Variants in DHDDS observed in about 807,000 individuals in gnomAD.
The protein encoded by DHDDS is dehydrodolichyl diphosphate synthase complex subunit DHDDS.
DHDDS carries 16 observed loss-of-function variants against 46.2 expected under a neutral mutation model. The ratio of observed to expected loss-of-function variants is 0.35; its 90% CI spans 0.23 to 0.53. The LOEUF is 0.53. Ranked by LOEUF, DHDDS falls within the 20% of genes least tolerant of loss-of-function variation. The pLI is 0.94. For synonymous variants in DHDDS, 151 were observed against 163.1 expected (o/e 0.93, Z 0.56); for missense variants, 340 against 423.7 (o/e 0.80, Z 1.73).
chr1:26,440,790 G>T (rs1016408751), intron 3 of DHDDS, among the ~76,000 whole-genome samples: 7 of 152,150 alleles, frequency 4.6e-5, no homozygotes, highest in African/African-American at 1.7e-4. Flanking sequence ...TGTTTCTTCT[G>T]TTCTGTTTGA....
Position 26,448,734 on chromosome 1 carries a change from G to A in DHDDS, c.542+1074G>A, listed in dbSNP as rs143705186. On this transcript the variant is annotated intron_variant, in intron 6 of 8. Coordinates refer to ENST00000236342, the MANE Select transcript of DHDDS (RefSeq NM_205861.3). The stretch of plus-strand genomic sequence containing the variant: ...GAGATTCAAGGCTGTTGTCCATTGT[G>A]TAGATGAGAAAACTGAGTTCAGCAT... 5.8e-3 allele frequency among the ~76,000 whole-genome samples: 885 copies of A among 152,260 alleles called. 4 individuals are homozygous for A. Among genetic ancestry groups the A allele is most frequent in the Middle Eastern group, 0.014 (4 of 294 alleles).
chr1:26,447,189 G>A (rs1026467587), intron 5 of DHDDS, among the ~76,000 whole-genome samples: 1 of 152,042 alleles, frequency 6.6e-6, no homozygotes, highest in Admixed American at 6.5e-5. Flanking sequence ...GTGTGGTGGT[G>A]TGCACCTGTA....
intron 8 of DHDDS, 126 bp downstream of exon 8, chr1:26,460,270 C>CT: frequency 1.3e-6 from 1 of 792,652 alleles, no homozygotes; most frequent in Non-Finnish European, 2.2e-6. Flanking sequence ...ATAGTAGCTA[C>CT]CACCTACTGA....
chr1:26,457,225 G>A (rs1001892089), intron 6 of DHDDS, among the ~76,000 whole-genome samples: 3 of 151,188 alleles, frequency 2.0e-5, no homozygotes, highest in Admixed American at 6.6e-5. Context: ...TTCAGAGGCC[G>A]AGGGGGGGGC....
chr1:26,457,163 AT>A (rs1327536388), intron 6 of DHDDS, among the ~76,000 whole-genome samples: 4 of 152,046 alleles, frequency 2.6e-5, no homozygotes, highest in Non-Finnish European at 5.9e-5. Context: ...GAGGATAGAA[AT>A]ACCTTATGTA....
intron 3 of DHDDS, among the ~76,000 whole-genome samples, chr1:26,440,373 C>T (rs1040640216): frequency 6.6e-6 from 1 of 152,206 alleles, no homozygotes; most frequent in African/African-American, 2.4e-5. Flanking sequence ...TCTGGAGTCA[C>T]TCAGAATTCA....
intron 6 of DHDDS, among the ~76,000 whole-genome samples, chr1:26,455,604 G>A (rs1392477898): frequency 1.3e-5 from 2 of 152,078 alleles, no homozygotes; most frequent in Non-Finnish European, 1.5e-5. Context: ...AAAATTAGCC[G>A]GGTGTGGTGG....
intron 8 of DHDDS, among the ~76,000 whole-genome samples, chr1:26,464,148 AC>A (rs2075456802): frequency 6.6e-6 from 1 of 151,686 alleles, no homozygotes. Flanking sequence ...ACGTGCCACC[AC>A]GCACAACTAA....
At chr1:26,445,886 G>C (rs1354723893) in intron 4 of DHDDS, among the ~76,000 whole-genome samples, 1 of 152,000 alleles carries the variant, frequency 6.6e-6, no homozygotes, top group Admixed American at 6.6e-5. Context: ...AGCCAGGCCT[G>C]GTGGTGGGCA....
At chr1:26,440,231 G>A (rs960689443) in intron 3 of DHDDS, among the ~76,000 whole-genome samples, 3 of 152,330 alleles carry the variant, frequency 2.0e-5, no homozygotes, top group East Asian at 1.9e-4. Context: ...TGCCAGGGCC[G>A]TGATATTTTT....
chr1:26,469,493 C>A lies in DHDDS; in HGVS notation c.*362C>A. On this transcript the variant is annotated 3_prime_UTR_variant, in exon 9 of 9. Transcript: ENST00000236342. Reference sequence around the variant, plus strand: ...TTTCAGGGAAGAGTTCTCCCCAAAACCCTAGCTCTTTACCCTTCCATTTTA... The same window carrying A: ...TTTCAGGGAAGAGTTCTCCCCAAAAACCTAGCTCTTTACCCTTCCATTTTA... The A allele has an allele frequency of 2.7e-6, 1 of 376,348 alleles. No homozygotes were observed. Among genetic ancestry groups the A allele is most frequent in the East Asian group, 6.0e-5 (1 of 16,546 alleles). 23.3% of individuals were successfully genotyped at this position (376,348 alleles called of 1,614,324 possible).
In DHDDS at chr1:26,441,370, C is replaced by T. The variant is rs1245206366; in HGVS notation, c.181-1361C>T. On this transcript the variant is annotated intron_variant, in intron 3 of 8. Transcript: ENST00000236342. ...TGCGCCACCGCACCCAGCTAAGTTTCTGTATTTTTAGTAGAAATGGGGTTT... is the reference window on the plus strand; with the variant it reads ...TGCGCCACCGCACCCAGCTAAGTTTTTGTATTTTTAGTAGAAATGGGGTTT... Among the ~76,000 whole-genome samples, 7 of 151,688 alleles carry T rather than the reference C, an allele frequency of 4.6e-5. No homozygotes were observed. The East Asian group carries it at 9.8e-4, about 21-fold the overall frequency.
intron 8 of DHDDS, among the ~76,000 whole-genome samples, chr1:26,463,836 A>G (rs1325940449): frequency 9.9e-5 from 15 of 151,902 alleles, no homozygotes; most frequent in Non-Finnish European, 2.2e-4. Flanking sequence ...GGCTAAAACA[A>G]ATAAGTACAA....
At chr1:26,468,381 A>C (rs1165070263) in intron 8 of DHDDS, among the ~76,000 whole-genome samples, 1 of 152,194 alleles carries the variant, frequency 6.6e-6, no homozygotes, top group Non-Finnish European at 1.5e-5. Flanking sequence ...GTCCCCGACA[A>C]GAATAGGACC....
At chr1:26,449,150 G>A (rs775014252) in intron 6 of DHDDS, among the ~76,000 whole-genome samples, 2 of 151,614 alleles carry the variant, frequency 1.3e-5, no homozygotes, top group Non-Finnish European at 2.9e-5. Flanking sequence ...CCAGGCTGGA[G>A]TGCAATGGCG....
In DHDDS at chr1:26,470,943, T is replaced by C. The variant is rs765144593; in HGVS notation, c.*1812T>C. The C allele has an allele frequency of 1.3e-5, 2 of 152,456 alleles. No homozygotes were observed. The highest frequency in any genetic ancestry group is 2.9e-5 in the Non-Finnish European group (2 of 68,106). 9.4% of individuals were successfully genotyped at this position (152,456 alleles called of 1,614,324 possible). ...CTGGGTCTGACTTTCCGTAATATGA[T>C]TGGGGTACAGTAGAGGTGATTAATG... On this transcript the variant is annotated 3_prime_UTR_variant, in exon 9 of 9. Coordinates refer to ENST00000236342, the MANE Select transcript of DHDDS (RefSeq NM_205861.3).
chr1:26,457,039 T>C (rs1008984564), intron 6 of DHDDS, among the ~76,000 whole-genome samples: 1 of 152,194 alleles, frequency 6.6e-6, no homozygotes, highest in African/African-American at 2.4e-5. Context: ...AAACAAGATG[T>C]TTTTAGCAAA....
Position 26,469,091 on chromosome 1 carries a change from G to A in DHDDS, c.962G>A (p.Arg321Gln), listed in dbSNP as rs562974074. 4.3e-5 allele frequency: 70 copies of A among 1,613,144 alleles called. No homozygotes were observed. The South Asian group carries it at 5.5e-4, about 13-fold the overall frequency. Reference sequence around the variant, plus strand: ...TTCCTGCAGGCCTTGGAACTCAAGCGAGCTGACTGGCTGGCCCGTCTGGGC... The same window carrying A: ...TTCCTGCAGGCCTTGGAACTCAAGCAAGCTGACTGGCTGGCCCGTCTGGGC... ...QGFLQALELK[R>Q]ADWLARLGTA... The change falls in exon 9 of 9, where the codon CGA (arginine) becomes CAA (glutamine). Residue 321 changes from arginine (R) to glutamine (Q), a missense_variant. Arg to Gln is a conservative substitution (Grantham distance 43). This residue lies in a region of DHDDS where 268 missense variants were observed against 300.3 expected (regional missense o/e 0.89). Coordinates refer to ENST00000236342, the MANE Select transcript of DHDDS (RefSeq NM_205861.3).
At chr1:26,445,546 T>G (rs1337099823) in intron 4 of DHDDS, among the ~76,000 whole-genome samples, 2 of 151,956 alleles carry the variant, frequency 1.3e-5, no homozygotes, top group Non-Finnish European at 2.9e-5. Flanking sequence ...GACCTCATCT[T>G]TACAAAAAAT....
Sources: gnomAD v4.1 joint callset for allele counts (sites outside exome capture counted in the v4.1 genomes callset) on GRCh38, gnomAD v4.1.1 for gene constraint, gnomAD v4.1.1 regional missense constraint, MANE v1.5 for transcripts, NCBI Gene and HGNC (gene_info 2026-07-23, HGNC 2026-07-21) for gene names.